The following CRISP3 variants were observed in gnomAD, a reference collection of about 807,000 sequenced individuals.
CRISP3 encodes the protein cysteine rich secretory protein 3, also known as cysteine-rich secretory protein 3.
A neutral mutation model predicts 36.1 loss-of-function variants in CRISP3; 33 were observed. The observed-to-expected ratio is 0.91, with a 90% CI of 0.69 to 1.22. CRISP3 has a LOEUF of 1.22. CRISP3 is among the 50% of genes most tolerant of loss of function. CRISP3 has a pLI of 0.00. For synonymous variants in CRISP3, 117 were observed against 104.6 expected (o/e 1.12, Z -0.72); for missense variants, 330 against 301.2 (o/e 1.10, Z -0.71).
intron 3 of CRISP3, 115 bp from the exon 4 acceptor site, chr6:49,735,706 A>C: frequency 1.5e-6 from 1 of 662,888 alleles, no homozygotes; most frequent in Non-Finnish European, 2.5e-6. Context: ...CTGTACAAGC[A>C]TCTTCTGATT....
At chr6:49,744,209 A>G (rs1207210815) in intron 1 of CRISP3, 122 bp downstream of exon 1, 1 of 657,678 alleles carries the variant, frequency 1.5e-6, no homozygotes. Context: ...AGTTATCAAT[A>G]AACTTTGGAA....
chr6:49,744,297 A>T, intron 1 of CRISP3, 34 bp downstream of exon 1: 2 of 1,436,506 alleles, frequency 1.4e-6, no homozygotes, highest in Non-Finnish European at 1.9e-6. Flanking sequence ...GAAATAAATA[A>T]TGTTCACCTT....
intron 1 of CRISP3, among the ~76,000 whole-genome samples, chr6:49,739,869 T>C (rs899451066): frequency 1.3e-5 from 2 of 152,220 alleles, no homozygotes; most frequent in Admixed American, 1.3e-4. Flanking sequence ...GCAGTAGATT[T>C]CTCTTAATTC....
rs1207007375 is a variant in CRISP3, at chr6:49,728,113, T to C, written c.*617A>G. 2 of 152,164 alleles carry C rather than the reference T, an allele frequency of 1.3e-5. No individual in the cohort carries two copies. Among genetic ancestry groups the C allele is most frequent in the African/African-American group, 4.8e-5 (2 of 41,468 alleles). 9.4% of individuals were successfully genotyped at this position (152,164 alleles called of 1,614,324 possible). ...TAAAAATGAAGGTTTGATCATATTCTACTGTAAAATTTATGCAGATAAAAA... is the reference window on the plus strand; with the variant it reads ...TAAAAATGAAGGTTTGATCATATTCCACTGTAAAATTTATGCAGATAAAAA... On this transcript the variant is annotated 3_prime_UTR_variant, in exon 8 of 8. Coordinates refer to ENST00000263045, the MANE Select transcript of CRISP3 (RefSeq NM_006061.4).
intron 1 of CRISP3, among the ~76,000 whole-genome samples, 183 bp downstream of exon 1, chr6:49,744,148 A>G (rs1037477967): frequency 6.6e-6 from 1 of 152,170 alleles, no homozygotes; most frequent in African/African-American, 2.4e-5. Context: ...CTGTCTATGT[A>G]TTAGCTTCTC....
chr6:49,728,927 A>C, intron 7 of CRISP3, 70 bp from the exon 8 acceptor site: 1 of 1,445,816 alleles, frequency 6.9e-7, no homozygotes, highest in South Asian at 1.3e-5. Context: ...CAAACAAAAC[A>C]TTCTATATGA....
chr6:49,736,559 A>T, intron 2 of CRISP3, 52 bp from the exon 3 acceptor site: 1 of 1,274,554 alleles, frequency 7.8e-7, no homozygotes, highest in Non-Finnish European at 1.1e-6. Flanking sequence ...GAAATTGCAC[A>T]TAATAGTAAC....
At chr6:49,742,537 C>G (rs1445631375) in intron 1 of CRISP3, among the ~76,000 whole-genome samples, 1 of 144,872 alleles carries the variant, frequency 6.9e-6, no homozygotes, top group African/African-American at 2.6e-5. Flanking sequence ...GAGGCTGAGG[C>G]AGGAGAATTG....
At chr6:49,739,999 A>G (rs1232519950) in intron 1 of CRISP3, among the ~76,000 whole-genome samples, 1 of 152,192 alleles carries the variant, frequency 6.6e-6, no homozygotes, top group Non-Finnish European at 1.5e-5. Flanking sequence ...CTCAAGTGTG[A>G]TTAGAGAAAA....
intron 7 of CRISP3, 105 bp from the exon 8 acceptor site, chr6:49,728,962 C>A: frequency 9.2e-7 from 1 of 1,089,520 alleles, no homozygotes; most frequent in Non-Finnish European, 1.3e-6. Context: ...AGTGAGCAAA[C>A]AAGTTGAGAT....
At chr6:49,732,378 G>C (rs1768936683) in intron 6 of CRISP3, among the ~76,000 whole-genome samples, 1 of 152,270 alleles carries the variant, frequency 6.6e-6, no homozygotes, top group South Asian at 2.1e-4. Flanking sequence ...AATAAGCCAT[G>C]CAGAAAGCTG....
At position 49,733,651 on chromosome 6, in the gene CRISP3, T is replaced by G; in HGVS notation, c.462+52A>C. The stretch of plus-strand genomic sequence containing the variant: ...GAATCAGTCAAAATTTGAAGAATCC[T>G]TTTTTTTTAGGGCACTTATAAAGGA... On this transcript the variant is annotated intron_variant, in intron 5 of 7. Transcript: ENST00000263045. The G allele has an allele frequency of 2.9e-6, 4 of 1,372,394 alleles. No individual in the cohort carries two copies. In the Admixed American group the frequency reaches 6.8e-5, roughly 23 times the overall value. The allele number at this position is 1,372,394 out of a possible 1,614,324, so 85.0% of individuals were successfully genotyped here.
At chr6:49,733,125 T>C (rs1768955276) in intron 6 of CRISP3, 70 bp downstream of exon 6, 1 of 889,978 alleles carries the variant, frequency 1.1e-6, no homozygotes, top group South Asian at 2.2e-5. Context: ...ATATGCTTTT[T>C]AGTTTTTTTT....
chr6:49,731,978 T>A (rs1410666986), intron 6 of CRISP3, among the ~76,000 whole-genome samples: 1 of 152,196 alleles, frequency 6.6e-6, no homozygotes, highest in African/African-American at 2.4e-5. Flanking sequence ...TGATGATTAT[T>A]TTCCTATCGG....
intron 1 of CRISP3, among the ~76,000 whole-genome samples, chr6:49,741,897 ATATAT>A (rs1480909467): frequency 2.0e-5 from 3 of 147,496 alleles, no homozygotes; most frequent in African/African-American, 7.3e-5. Flanking sequence ...ATAATATAAA[ATATAT>A]TATTATATAT....
Position 49,736,382 on chromosome 6 carries a change from A to G in CRISP3, c.228+9T>C. 6.3e-7 allele frequency: 1 copy of G among 1,578,680 alleles called. No individual in the cohort carries two copies. Among genetic ancestry groups the G allele is most frequent in the Admixed American group, 1.7e-5 (1 of 59,248 alleles). ...TCACACCCCTCTCCTTTGCAATATCACCTCTTACCATCTTCAGCATGTTTC... is the reference window on the plus strand; with the variant it reads ...TCACACCCCTCTCCTTTGCAATATCGCCTCTTACCATCTTCAGCATGTTTC... On this transcript the variant is annotated intron_variant, in intron 3 of 7. Coordinates refer to ENST00000263045, the MANE Select transcript of CRISP3 (RefSeq NM_006061.4).
At chr6:49,730,418 G>A (rs992993730) in intron 7 of CRISP3, among the ~76,000 whole-genome samples, 1 of 152,012 alleles carries the variant, frequency 6.6e-6, no homozygotes, top group African/African-American at 2.4e-5. Flanking sequence ...GCAAAAATGA[G>A]GAAGTTAGTA....
At chr6:49,730,232 GA>G (rs1267785556) in intron 7 of CRISP3, among the ~76,000 whole-genome samples, 1 of 152,006 alleles carries the variant, frequency 6.6e-6, no homozygotes, top group East Asian at 1.9e-4. Flanking sequence ...AGCACAAAAT[GA>G]AATTGTATGA....
In CRISP3 at chr6:49,733,922, A is replaced by G. The variant is rs1768979814; in HGVS notation, c.317-74T>C. The G allele has an allele frequency of 3.1e-6, 4 of 1,282,670 alleles. No individual in the cohort carries two copies. The African/African-American group carries it at 4.4e-5, about 14-fold the overall frequency. The allele number at this position is 1,282,670 out of a possible 1,614,324, so 79.5% of individuals were successfully genotyped here. On this transcript the variant is annotated intron_variant, in intron 4 of 7. Transcript: ENST00000263045. ...GCAAAATACACACAAACACACACAC[A>G]CTACACACAGCAGAATCCCTGTTTT...
Sources: allele counts gnomAD v4.1 joint callset (sites outside exome capture counted in the v4.1 genomes callset), GRCh38; gene constraint gnomAD v4.1.1; transcripts MANE v1.5; gene names NCBI Gene and HGNC (gene_info 2026-07-23, HGNC 2026-07-21).